The following FRAS1 variants were observed in gnomAD, a reference collection of about 807,000 sequenced individuals.
FRAS1 encodes the protein Fraser extracellular matrix complex subunit 1.
FRAS1 carries 290 observed loss-of-function variants against 435.2 expected under a neutral mutation model. The observed-to-expected ratio is 0.67, with a 90% confidence interval of 0.61 to 0.73. The LOEUF (loss-of-function observed/expected upper bound fraction) is 0.73, where lower values mean the gene tolerates loss of function less well. Ranked by LOEUF, FRAS1 falls within the 30% of genes least tolerant of loss-of-function variation. The pLI is 0.00. For synonymous variants in FRAS1, 1,800 were observed against 1,851.0 expected, an observed-to-expected ratio of 0.97 and a Z score of 0.71; for missense variants, 4,860 against 5,001.5, an observed-to-expected ratio of 0.97 and a Z score of 0.85.
At chr4:78,496,999 A>T in intron 60 of FRAS1, 38 bp downstream of exon 60, 1 of 1,546,288 alleles carries the variant, frequency 6.5e-7, no homozygotes, top group South Asian at 1.1e-5. Flanking sequence ...TCTTAGGTTG[A>T]GGGGACATAA....
At position 78,522,708 on chromosome 4, in the gene FRAS1, G is replaced by T. The variant is rs1346317145; in HGVS notation, c.10708G>T (p.Asp3570Tyr). Reference sequence around the variant, plus strand: ...AGTGAAATCTTTCGTATTGACTCCAGACCACCTAGGAGGAATTGAATTTGA... The same window carrying T: ...AGTGAAATCTTTCGTATTGACTCCATACCACCTAGGAGGAATTGAATTTGA... The part of the protein sequence containing the change: ...PEVKSFVLTP[D>Y]HLGGIEFDLQ... Residue 3570 changes from aspartate to tyrosine, a missense_variant, in exon 69 of 74, where the codon GAC (aspartate) becomes TAC (tyrosine). Asp to Tyr is a radical substitution (Grantham distance 160). Coordinates refer to ENST00000512123, the MANE Select transcript of FRAS1 (RefSeq NM_025074.7). The T allele has an allele frequency of 6.2e-7, 1 of 1,610,992 alleles. No homozygotes were observed.
Position 78,542,789 on chromosome 4 carries a change from A to G in FRAS1, c.*1665A>G, listed in dbSNP as rs908498057. 7 of 152,454 alleles carry G rather than the reference A, an allele frequency of 4.6e-5. No homozygotes were observed. Among genetic ancestry groups the G allele is most frequent in the African/African-American group, 1.7e-4 (7 of 41,426 alleles). The allele number at this position is 152,454 out of a possible 1,614,324, so 9.4% of individuals were successfully genotyped here. A position where few individuals can be genotyped will look rare whatever the true frequency, so the allele number is the denominator to read the frequency against. On this transcript the variant is annotated 3_prime_UTR_variant, in exon 74 of 74. Transcript: ENST00000512123. The stretch of plus-strand genomic sequence containing the variant: ...ATGGTGTCATGGGTGAATGATGGGG[A>G]GTAAATTTAGGAAGGGGAAGTGAGA...
At chr4:78,190,796 C>T (rs998782994) in intron 2 of FRAS1, among the ~76,000 whole-genome samples, 1 of 152,142 alleles carries the variant, frequency 6.6e-6, no homozygotes. Flanking sequence ...TCAAGGGGTT[C>T]CATGGACTGA....
chr4:78,245,435 G>A (rs1033201529), intron 4 of FRAS1, 110 bp downstream of exon 4: 7 of 770,544 alleles, frequency 9.1e-6, no homozygotes, highest in Admixed American at 2.2e-5. Flanking sequence ...CCTGGATTGT[G>A]GAGGATCTGA....
At chr4:78,371,305 T>G (rs1731496768) in intron 23 of FRAS1, among the ~76,000 whole-genome samples, 1 of 152,196 alleles carries the variant, frequency 6.6e-6, no homozygotes, top group Non-Finnish European at 1.5e-5. Flanking sequence ...CTTGCACATT[T>G]ACCTGATTTC....
intron 54 of FRAS1, among the ~76,000 whole-genome samples, chr4:78,477,068 G>A (rs947406417): frequency 2.0e-5 from 3 of 151,344 alleles, no homozygotes; most frequent in Non-Finnish European, 4.4e-5. Flanking sequence ...TAATTTCTCT[G>A]TTTTGTACTG....
At chr4:78,367,555 A>G (rs2110301383) in intron 22 of FRAS1, among the ~76,000 whole-genome samples, 1 of 152,324 alleles carries the variant, frequency 6.6e-6, no homozygotes, top group East Asian at 1.9e-4. Context: ...CTCTATGTCA[A>G]GAAAAGAGGA....
chr4:78,427,325 C>G (rs1268698048), intron 35 of FRAS1, among the ~76,000 whole-genome samples: 1 of 152,164 alleles, frequency 6.6e-6, no homozygotes, highest in African/African-American at 2.4e-5. Flanking sequence ...AATGTACCCC[C>G]TCAACCTTGG....
chr4:78,321,451 G>A (rs999600908), intron 18 of FRAS1, among the ~76,000 whole-genome samples: 1 of 152,210 alleles, frequency 6.6e-6, no homozygotes, highest in Admixed American at 6.5e-5. Flanking sequence ...GAGAAGCACA[G>A]CATACTAATG....
At chr4:78,269,766 T>A (rs963415359) in intron 9 of FRAS1, among the ~76,000 whole-genome samples, 1 of 152,238 alleles carries the variant, frequency 6.6e-6, no homozygotes. Context: ...CTTTGAACCT[T>A]AATTCAGGTG....
chr4:78,080,483 G>C (rs1471292499), intron 2 of FRAS1, among the ~76,000 whole-genome samples: 3 of 152,154 alleles, frequency 2.0e-5, no homozygotes, highest in African/African-American at 7.2e-5. Flanking sequence ...GTCGATTAAA[G>C]TATCAAATCT....
chr4:78,477,873 A>G lies in FRAS1; in HGVS notation c.7910A>G (p.Asp2637Gly). The G allele has an allele frequency of 3.1e-6, 5 of 1,613,552 alleles. No homozygotes were observed. The highest frequency in any genetic ancestry group is 4.2e-6 in the Non-Finnish European group (5 of 1,179,740). ...KSCTIVINDD[D>G]VFENVESFTV... Reference sequence around the variant, plus strand: ...TGCACCATTGTCATCAACGATGATGACGTGTTTGAAAATGTTGAGAGTTTC... The same window carrying G: ...TGCACCATTGTCATCAACGATGATGGCGTGTTTGAAAATGTTGAGAGTTTC... The change falls in exon 55 of 74, where the codon GAC becomes GGC. Residue 2637 changes from aspartate (D) to glycine (G), a missense_variant. By Grantham distance (94) the Asp-to-Gly change is moderately conservative. Coordinates refer to ENST00000512123, the MANE Select transcript of FRAS1 (RefSeq NM_025074.7).
At chr4:78,445,935 A>T in intron 42 of FRAS1, 1 of 1,315,766 alleles carries the variant, frequency 7.6e-7, no homozygotes, top group Non-Finnish European at 9.6e-7. Context: ...GATTGAATTT[A>T]TTTGTTCGGT....
intron 66 of FRAS1, among the ~76,000 whole-genome samples, chr4:78,518,422 G>GTGTGTATATA (rs1397809156): frequency 2.2e-5 from 3 of 135,744 alleles, no homozygotes; most frequent in Admixed American, 7.2e-5. Context: ...TTTTTGTTGT[G>GTGTGTATATA]TATATATATA....
chr4:78,291,525 G>C (rs73827940), intron 14 of FRAS1, among the ~76,000 whole-genome samples: 2,080 of 152,212 alleles, frequency 0.014, 52 homozygotes, highest in African/African-American at 0.047. Context: ...GTTGGGGACC[G>C]CTGGTTTAGG....
At chr4:78,497,601 T>A (rs2109872197) in intron 60 of FRAS1, among the ~76,000 whole-genome samples, 1 of 152,338 alleles carries the variant, frequency 6.6e-6, no homozygotes, top group Non-Finnish European at 1.5e-5. Context: ...TTATATTATC[T>A]TATTTAATAC....
intron 58 of FRAS1, 69 bp from the exon 59 acceptor site, chr4:78,488,806 C>T: frequency 6.9e-7 from 1 of 1,443,990 alleles, no homozygotes; most frequent in Non-Finnish European, 9.5e-7. Context: ...TGAAGGCTGA[C>T]AAGGACCATG....
At chr4:78,272,165 T>A (rs545994919) in intron 9 of FRAS1, among the ~76,000 whole-genome samples, 4,004 of 152,266 alleles carry the variant, frequency 0.026, 179 homozygotes, top group African/African-American at 0.091. Flanking sequence ...TGGGGTTGTT[T>A]TTTTCTTGTA....
At chr4:78,295,744 CCTT>C (rs1365437270) in intron 14 of FRAS1, among the ~76,000 whole-genome samples, 4 of 150,864 alleles carry the variant, frequency 2.7e-5, no homozygotes, top group African/African-American at 9.8e-5. Context: ...GTAGATATTT[CCTT>C]CTTTTTTTTT....
Sources: gnomAD v4.1 joint callset for allele counts (sites outside exome capture counted in the v4.1 genomes callset) on GRCh38, gnomAD v4.1.1 for gene constraint, MANE v1.5 for transcripts, NCBI Gene and HGNC (gene_info 2026-07-23, HGNC 2026-07-21) for gene names.